MAML2: variants seen among roughly 807,000 people sequenced by gnomAD.
The protein encoded by MAML2 is mastermind like transcriptional coactivator 2.
In MAML2, 22 loss-of-function variants were observed where a neutral mutation model predicts 96.1. That is an observed-to-expected ratio of 0.23 (90% CI 0.16 to 0.33). MAML2 has a LOEUF of 0.33. Among genes scored for constraint, MAML2 ranks in the 10% least tolerant of loss-of-function variants. The pLI is 1.00. For missense variants in MAML2, 1,367 were observed against 1,392.4 expected, an observed-to-expected ratio of 0.98 and a Z score of 0.29; for synonymous variants, 561 against 521.3, an observed-to-expected ratio of 1.08 and a Z score of -1.04.
At chr11:96,051,709 A>T (rs1303243639) in intron 2 of MAML2, among the ~76,000 whole-genome samples, 1 of 152,214 alleles carries the variant, frequency 6.6e-6, no homozygotes, top group South Asian at 2.1e-4. Context: ...AAAGCCCACC[A>T]GTTAAAATTA....
intron 1 of MAML2, among the ~76,000 whole-genome samples, chr11:96,112,224 A>G (rs770518423): frequency 6.6e-6 from 1 of 152,270 alleles, no homozygotes; most frequent in African/African-American, 2.4e-5. Flanking sequence ...AAACAATTTC[A>G]TAGTGATCAG....
At position 95,985,640 on chromosome 11, in the gene MAML2, C is replaced by T. The variant is rs369209205; in HGVS notation, c.2346G>A (p.Glu782=). The change falls in exon 4 of 5, where the codon GAG becomes GAA. Residue 782 remains glutamate, a splice_region_variant and synonymous_variant. Coordinates refer to ENST00000524717, the MANE Select transcript of MAML2 (RefSeq NM_032427.4). ...LLQQQMLADA[E]KIAPQDQINR... is the part of the protein sequence containing the mutation. ...TTATCTGATCTTGTGGAGCAATTTT[C>T]TCCTTGAGAAATGATATGAAAGCAT... 8.2e-6 allele frequency: 13 copies of T among 1,588,398 alleles called. No individual in the cohort carries two copies. The African/African-American group carries it at 1.6e-4, about 20-fold the overall frequency.
At chr11:96,021,891 C>T (rs1398298526) in intron 2 of MAML2, among the ~76,000 whole-genome samples, 3 of 152,204 alleles carry the variant, frequency 2.0e-5, no homozygotes. Context: ...TTCCTCTTTG[C>T]CTTGAAGCTG....
Position 95,979,801 on chromosome 11 carries a change from A to T in MAML2, c.2618T>A (p.Leu873Gln), listed in dbSNP as rs1414669498. 2 of 1,613,880 alleles carry T rather than the reference A, an allele frequency of 1.2e-6. No individual in the cohort carries two copies. The highest frequency in any genetic ancestry group is 2.7e-5 in the African/African-American group (2 of 74,912). ...AVQNMGMYGN[L>Q]PCNQPNTYSV... The stretch of plus-strand genomic sequence containing the variant: ...GTATGTGTTAGGTTGATTACAAGGC[A>T]GATTTCCATACATCCCCATATTCTG... Residue 873 changes from leucine (L) to glutamine (Q), a missense_variant, in exon 5 of 5, where the codon CTG becomes CAG. By Grantham distance (113) the Leu-to-Gln change is moderately radical. Coordinates refer to ENST00000524717, the MANE Select transcript of MAML2 (RefSeq NM_032427.4).
chr11:96,199,469 T>C (rs990524267), intron 1 of MAML2, among the ~76,000 whole-genome samples: 1 of 152,200 alleles, frequency 6.6e-6, no homozygotes, highest in Non-Finnish European at 1.5e-5. Flanking sequence ...TTGCATTTTC[T>C]ATCACTCACA....
intron 1 of MAML2, among the ~76,000 whole-genome samples, chr11:96,107,375 T>C (rs905740623): frequency 6.6e-6 from 1 of 152,180 alleles, no homozygotes; most frequent in Non-Finnish European, 1.5e-5. Flanking sequence ...ATAGTTCCAA[T>C]TCAGTGGTTG....
At chr11:96,106,807 C>CT (rs144605405) in intron 1 of MAML2, among the ~76,000 whole-genome samples, 3,059 of 152,228 alleles carry the variant, frequency 0.02, 99 homozygotes, top group African/African-American at 0.069. Context: ...GCCACTGGGA[C>CT]TTAACTCCCC....
intron 2 of MAML2, among the ~76,000 whole-genome samples, chr11:96,003,177 G>T (rs1858124926): frequency 6.7e-6 from 1 of 150,080 alleles, no homozygotes; most frequent in African/African-American, 2.5e-5. Flanking sequence ...ATGATGATAA[G>T]GATGATGGGG....
chr11:96,323,907 T>C (rs544037274), intron 1 of MAML2, among the ~76,000 whole-genome samples: 10 of 152,352 alleles, frequency 6.6e-5, no homozygotes, highest in African/African-American at 2.4e-4. Context: ...GTGTCACTCA[T>C]AGGCTCTACG....
chr11:96,029,033 C>T (rs1387906214), intron 2 of MAML2, among the ~76,000 whole-genome samples: 1 of 152,200 alleles, frequency 6.6e-6, no homozygotes, highest in Non-Finnish European at 1.5e-5. Flanking sequence ...CTCCAGGCCC[C>T]ACTCACTATC....
At chr11:96,108,457 C>T (rs1010119470) in intron 1 of MAML2, among the ~76,000 whole-genome samples, 8 of 152,220 alleles carry the variant, frequency 5.3e-5, no homozygotes, top group East Asian at 1.9e-4. Flanking sequence ...TAAATATCAT[C>T]TCATGAATCC....
intron 1 of MAML2, among the ~76,000 whole-genome samples, chr11:96,242,034 C>T (rs561399196): frequency 6.6e-6 from 1 of 152,268 alleles, no homozygotes; most frequent in South Asian, 2.1e-4. Flanking sequence ...GTGATTGGAG[C>T]AGAAAGCTAA....
intron 2 of MAML2, among the ~76,000 whole-genome samples, chr11:96,061,327 G>A (rs1336262156): frequency 6.6e-6 from 1 of 152,172 alleles, no homozygotes; most frequent in Non-Finnish European, 1.5e-5. Flanking sequence ...AATTTCAACA[G>A]TTGGGTGAAG....
chr11:96,164,777 T>A (rs1861165832), intron 1 of MAML2, among the ~76,000 whole-genome samples: 1 of 152,210 alleles, frequency 6.6e-6, no homozygotes, highest in Non-Finnish European at 1.5e-5. Context: ...AGACAGATAG[T>A]GTGTCACTTT....
chr11:96,269,446 TTGGCA>T lies in MAML2; in HGVS notation c.513+71932_513+71936del, dbSNP rs565260576. On this transcript the variant is annotated intron_variant, in intron 1 of 4. Coordinates refer to ENST00000524717, the MANE Select transcript of MAML2 (RefSeq NM_032427.4). ...TTCCTTCTGTTTCCTTCCACTCACT[TTGGCA>T]TGTCCTAGTAAGTATATATATAATC... is the stretch of plus-strand genomic sequence containing the variant. 3.6e-3 allele frequency among the ~76,000 whole-genome samples: 529 copies of T among 145,016 alleles called. 91 individuals are homozygous for T. The highest frequency in any genetic ancestry group is 0.014 in the Middle Eastern group (4 of 280).
intron 2 of MAML2, among the ~76,000 whole-genome samples, chr11:96,022,448 T>C (rs1161647221): frequency 6.6e-6 from 1 of 152,144 alleles, no homozygotes; most frequent in Non-Finnish European, 1.5e-5. Flanking sequence ...CAGAGGGCTT[T>C]TAGAAGGATT....
intron 2 of MAML2, among the ~76,000 whole-genome samples, chr11:96,045,654 T>G (rs1858885135): frequency 6.6e-6 from 1 of 152,218 alleles, no homozygotes; most frequent in Admixed American, 6.6e-5. Flanking sequence ...TAATTCTTAA[T>G]TTAAGAACAG....
intron 1 of MAML2, among the ~76,000 whole-genome samples, chr11:96,151,234 T>A (rs1214580826): frequency 1.3e-5 from 2 of 152,190 alleles, no homozygotes; most frequent in Non-Finnish European, 2.9e-5. Flanking sequence ...GGGACACTCT[T>A]TCACCTCTCT....
intron 2 of MAML2, among the ~76,000 whole-genome samples, chr11:96,047,102 G>A (rs1037006500): frequency 6.6e-6 from 1 of 152,158 alleles, no homozygotes; most frequent in African/African-American, 2.4e-5. Context: ...GTCTAAGTTT[G>A]CTTGTGTTGT....
Sources: gnomAD v4.1 joint callset for allele counts (sites outside exome capture counted in the v4.1 genomes callset) on GRCh38, gnomAD v4.1.1 for gene constraint, MANE v1.5 for transcripts, NCBI Gene and HGNC (gene_info 2026-07-23, HGNC 2026-07-21) for gene names.